Variants in TMPRSS11F observed in about 807,000 individuals in gnomAD.
TMPRSS11F encodes transmembrane protease serine 11F.
Under a neutral mutation model 60.2 loss-of-function variants are expected in TMPRSS11F, and 47 were observed. The observed-to-expected ratio is 0.78, with a 90% CI of 0.62 to 1.00. The LOEUF (loss-of-function observed/expected upper bound fraction) is 1.00, where lower values mean the gene tolerates loss of function less well. TMPRSS11F is among the 50% of genes least tolerant of loss of function. The pLI, the probability that TMPRSS11F is intolerant of heterozygous loss-of-function variation, is 0.00. For synonymous variants in TMPRSS11F, 166 were observed against 167.3 expected, an observed-to-expected ratio of 0.99 and a Z score of 0.06; for missense variants, 519 against 522.9, an observed-to-expected ratio of 0.99 and a Z score of 0.07.
intron 8 of TMPRSS11F, among the ~76,000 whole-genome samples, chr4:68,063,533 T>C (rs1723250753): frequency 6.6e-6 from 1 of 151,928 alleles, no homozygotes; most frequent in Non-Finnish European, 1.5e-5. Context: ...TGCACCACCA[T>C]GCCCTGTTAA....
chr4:68,070,644 A>G (rs1469516660), intron 5 of TMPRSS11F, among the ~76,000 whole-genome samples: 2 of 152,216 alleles, frequency 1.3e-5, no homozygotes, highest in African/African-American at 4.8e-5. Flanking sequence ...CCATACACAA[A>G]CTTTCACTTC....
At chr4:68,104,895 C>T (rs1419143722) in intron 1 of TMPRSS11F, among the ~76,000 whole-genome samples, 1 of 151,236 alleles carries the variant, frequency 6.6e-6, no homozygotes, top group Non-Finnish European at 1.5e-5. Flanking sequence ...TGATGTGTTG[C>T]TGGACTCAGT....
chr4:68,099,886 A>T (rs1348144677), intron 1 of TMPRSS11F, among the ~76,000 whole-genome samples: 2 of 152,164 alleles, frequency 1.3e-5, no homozygotes, highest in African/African-American at 4.8e-5. Flanking sequence ...AAAAGGGGAA[A>T]CAGACATGGA....
chr4:68,059,733 A>C (rs896427198), intron 8 of TMPRSS11F, among the ~76,000 whole-genome samples: 1 of 152,130 alleles, frequency 6.6e-6, no homozygotes, highest in Non-Finnish European at 1.5e-5. Context: ...GCATTTTTTC[A>C]TGAGGAGAGG....
intron 1 of TMPRSS11F, among the ~76,000 whole-genome samples, chr4:68,112,672 CCA>C (rs1280749709): frequency 6.6e-6 from 1 of 152,094 alleles, no homozygotes; most frequent in Non-Finnish European, 1.5e-5. Context: ...ACAGTAAACT[CCA>C]CAGAGTATGA....
At chr4:68,098,406 T>A (rs1724121540) in intron 2 of TMPRSS11F, among the ~76,000 whole-genome samples, 1 of 152,184 alleles carries the variant, frequency 6.6e-6, no homozygotes, top group Admixed American at 6.5e-5. Flanking sequence ...TTTTTGCATA[T>A]ATAATTAGGA....
rs567823649 is a variant in TMPRSS11F, at chr4:68,093,547, T to C, written c.164-2906A>G. Among the ~76,000 whole-genome samples, 53 of 152,074 alleles carry C rather than the reference T, an allele frequency of 3.5e-4. 1 individual carries two copies. The East Asian group carries it at 9.5e-3, about 27-fold the overall frequency. ...GGCAATAAAAGCCAAAATTGACAAA[T>C]GGGATCTAATTAAACTAAAGAGCTT... is the stretch of plus-strand genomic sequence containing the variant. On this transcript the variant is annotated intron_variant, in intron 2 of 9. Transcript: ENST00000356291.
At chr4:68,085,732 G>C (rs565950855) in intron 3 of TMPRSS11F, among the ~76,000 whole-genome samples, 3 of 152,142 alleles carry the variant, frequency 2.0e-5, no homozygotes, top group African/African-American at 7.2e-5. Context: ...AGAAAGATCC[G>C]TCATGCAAAC....
chr4:68,124,081 T>C (rs186177201), intron 1 of TMPRSS11F, among the ~76,000 whole-genome samples: 5 of 151,828 alleles, frequency 3.3e-5, no homozygotes, highest in Admixed American at 3.3e-4. Context: ...ATTAGCCAGG[T>C]GCGGTGGTGC....
chr4:68,070,537 G>A (rs752901232), intron 5 of TMPRSS11F, among the ~76,000 whole-genome samples: 1 of 152,192 alleles, frequency 6.6e-6, no homozygotes, highest in Non-Finnish European at 1.5e-5. Context: ...GTCTCCCTGA[G>A]GATTCTCTCT....
chr4:68,121,515 G>A (rs756446749), intron 1 of TMPRSS11F, among the ~76,000 whole-genome samples: 1 of 151,998 alleles, frequency 6.6e-6, no homozygotes, highest in African/African-American at 2.4e-5. Context: ...ATAAACACCA[G>A]TTCTATTTTA....
intron 1 of TMPRSS11F, among the ~76,000 whole-genome samples, chr4:68,101,699 G>GA (rs145634359): frequency 9.1e-4 from 139 of 152,104 alleles, no homozygotes; most frequent in African/African-American, 3.2e-3. Flanking sequence ...CATTTTTTTA[G>GA]AAAAATAAAT....
chr4:68,060,657 C>T (rs1178543544), intron 8 of TMPRSS11F, among the ~76,000 whole-genome samples: 1 of 147,696 alleles, frequency 6.8e-6, no homozygotes, highest in Non-Finnish European at 1.5e-5. Context: ...CTGGAGAAAG[C>T]TCATTGATGT....
At chr4:68,102,244 G>T (rs75892689) in intron 1 of TMPRSS11F, among the ~76,000 whole-genome samples, 5,425 of 152,066 alleles carry the variant, frequency 0.036, 273 homozygotes, top group African/African-American at 0.11. Flanking sequence ...GGCTGTTTCC[G>T]TATCTCAGCT....
chr4:68,092,661 T>G (rs978988954), intron 2 of TMPRSS11F, among the ~76,000 whole-genome samples: 2 of 152,128 alleles, frequency 1.3e-5, no homozygotes, highest in Admixed American at 6.6e-5. Context: ...TTAAATTTAA[T>G]GAATTCAAGC....
intron 8 of TMPRSS11F, chr4:68,062,747 A>G: frequency 1.3e-6 from 1 of 743,170 alleles, no homozygotes; most frequent in Admixed American, 1.7e-5. Flanking sequence ...TTTGAAAACA[A>G]AAGTTTCCTT....
At chr4:68,098,161 C>T (rs913375271) in intron 2 of TMPRSS11F, among the ~76,000 whole-genome samples, 3 of 151,910 alleles carry the variant, frequency 2.0e-5, no homozygotes, top group East Asian at 1.9e-4. Flanking sequence ...AAAAATTAAC[C>T]GAGTGTAGTG....
chr4:68,066,116 CA>C (rs10638436), intron 7 of TMPRSS11F, among the ~76,000 whole-genome samples: 1,301 of 111,546 alleles, frequency 0.012, 20 homozygotes, highest in African/African-American at 0.041. Context: ...AAGACTGTCT[CA>C]AAAAAAAAAA....
intron 1 of TMPRSS11F, among the ~76,000 whole-genome samples, chr4:68,100,535 T>C (rs144308841): frequency 1.3e-5 from 2 of 152,206 alleles, no homozygotes; most frequent in Non-Finnish European, 2.9e-5. Context: ...TGTTGAATGA[T>C]TGATCAGCTG....
Sources: allele counts gnomAD v4.1 joint callset (sites outside exome capture counted in the v4.1 genomes callset), GRCh38; gene constraint gnomAD v4.1.1; transcripts MANE v1.5; gene names NCBI Gene and HGNC (gene_info 2026-07-23, HGNC 2026-07-21).